Variants in NOD1 observed in about 807,000 individuals in gnomAD.
NOD1 encodes the protein nucleotide binding oligomerization domain containing 1, also known as nucleotide-binding oligomerization domain-containing protein 1.
NOD1 carries 70 observed loss-of-function variants against 81.2 expected under a neutral mutation model. That is an observed-to-expected ratio of 0.86 (90% CI 0.71 to 1.05). NOD1 has a LOEUF of 1.05. Among genes scored for constraint, NOD1 ranks in the 50% least tolerant of loss-of-function variants. NOD1 has a pLI of 0.00. For synonymous variants in NOD1, 508 were observed against 526.9 expected, an observed-to-expected ratio of 0.96 and a Z score of 0.49; for missense variants, 1,233 against 1,228.0, an observed-to-expected ratio of 1.00 and a Z score of -0.06.
intron 1 of NOD1, among the ~76,000 whole-genome samples, chr7:30,465,115 C>T (rs1031995349): frequency 8.5e-5 from 13 of 152,130 alleles, no homozygotes; most frequent in Non-Finnish European, 1.5e-4. Context: ...AGGGGGGTGC[C>T]GTGGCTCTCA....
chr7:30,458,890 C>G (rs1222702539), intron 3 of NOD1, among the ~76,000 whole-genome samples: 1 of 152,098 alleles, frequency 6.6e-6, no homozygotes, highest in East Asian at 1.9e-4. Context: ...GCGGGTGCCA[C>G]CATGCCCAGC....
chr7:30,435,764 GCCTGGGTAACATAGCAAAAC>G (rs1343238424), intron 11 of NOD1, among the ~76,000 whole-genome samples: 2 of 152,080 alleles, frequency 1.3e-5, no homozygotes, highest in Non-Finnish European at 2.9e-5. Flanking sequence ...TTCAAGACCA[GCCTGGGTAACATAGCAAAAC>G]CCCATCTCTA....
chr7:30,427,435 G>A (rs980069414), intron 13 of NOD1, among the ~76,000 whole-genome samples: 1 of 152,168 alleles, frequency 6.6e-6, no homozygotes, highest in African/African-American at 2.4e-5. Flanking sequence ...CCTGAACGTG[G>A]CTCCCCGGCC....
At chr7:30,466,751 A>G (rs1304600349) in intron 1 of NOD1, among the ~76,000 whole-genome samples, 1 of 152,200 alleles carries the variant, frequency 6.6e-6, no homozygotes, top group Non-Finnish European at 1.5e-5. Flanking sequence ...AGTCACTACA[A>G]CCTTTTTCAG....
Position 30,452,481 on chromosome 7 carries a change from G to C in NOD1, c.936C>G (p.Val312=). The C allele has an allele frequency of 6.2e-7, 1 of 1,613,310 alleles. No individual in the cohort carries two copies. Among genetic ancestry groups the C allele is most frequent in the African/African-American group, 1.3e-5 (1 of 75,078 alleles). Residue 312 remains valine, a synonymous_variant, in exon 6 of 14, where the codon GTC becomes GTG. Coordinates refer to ENST00000222823, the MANE Select transcript of NOD1 (RefSeq NM_006092.4). Reference sequence around the variant, plus strand: ...TCCCACTGAGCAGGTTGGCCAGCAAGACCAGGGGGTGGGCAGGCTCCCAGG... The same window carrying C: ...TCCCACTGAGCAGGTTGGCCAGCAACACCAGGGGGTGGGCAGGCTCCCAGG... ...SCPWEPAHPL[V]LLANLLSGKL...
rs1035720545 is a variant in NOD1 at position 30,429,290 on chromosome 7, C to T, written c.2789+84G>A. On this transcript the variant is annotated intron_variant, in intron 13 of 13. Coordinates refer to ENST00000222823, the MANE Select transcript of NOD1 (RefSeq NM_006092.4). ...GGTTGCTGGAGGAATAAACAGAAAC[C>T]ACCCTGCGTTGTGCCTTGCACAGTC... The T allele has an allele frequency of 5.9e-6, 7 of 1,190,942 alleles. No homozygotes were observed. In the African/African-American group the frequency reaches 9.0e-5, roughly 15 times the overall value. The allele number at this position is 1,190,942 out of a possible 1,614,324, so 73.8% of individuals were successfully genotyped here. A position where few individuals can be genotyped will look rare whatever the true frequency, so the allele number is the denominator to read the frequency against.
chr7:30,457,573 A>G (rs1786515046), intron 3 of NOD1, among the ~76,000 whole-genome samples: 1 of 152,198 alleles, frequency 6.6e-6, no homozygotes, highest in East Asian at 1.9e-4. Flanking sequence ...TTTTTAAATC[A>G]AAACATCTTT....
chr7:30,446,748 A>G, intron 8 of NOD1: 1 of 542,370 alleles, frequency 1.8e-6, no homozygotes, highest in Non-Finnish European at 3.3e-6. Context: ...GTAGTTAATG[A>G]AATCAAAATG....
chr7:30,457,349 G>A (rs929789073), intron 3 of NOD1, among the ~76,000 whole-genome samples: 3 of 152,098 alleles, frequency 2.0e-5, no homozygotes, highest in Non-Finnish European at 4.4e-5. Context: ...TATTGGGGAG[G>A]CTAAGGCAGG....
intron 9 of NOD1, among the ~76,000 whole-genome samples, chr7:30,438,547 G>A (rs190967263): frequency 6.6e-6 from 1 of 152,302 alleles, no homozygotes; most frequent in Admixed American, 6.5e-5. Context: ...GAACAAGTTC[G>A]TGTGGCCCAC....
At chr7:30,438,512 C>T (rs565184498) in intron 9 of NOD1, among the ~76,000 whole-genome samples, 1 of 152,328 alleles carries the variant, frequency 6.6e-6, no homozygotes, top group South Asian at 2.1e-4. Context: ...CTAATAGGAT[C>T]AGCACACACT....
At chr7:30,436,873 G>C (rs766886845) in intron 10 of NOD1, among the ~76,000 whole-genome samples, 5 of 152,022 alleles carry the variant, frequency 3.3e-5, no homozygotes, top group Admixed American at 6.6e-5. Context: ...CCCATTACTG[G>C]GTATTTACCC....
In NOD1 at chr7:30,456,894, C is replaced by T. The variant is rs1000744101; in HGVS notation, c.28G>A (p.Glu10Lys). 1.9e-6 allele frequency: 3 copies of T among 1,614,060 alleles called. No individual in the cohort carries two copies. The highest frequency in any genetic ancestry group is 1.7e-6 in the Non-Finnish European group (2 of 1,180,030). The change falls in exon 4 of 14, where the codon GAA becomes AAA. Residue 10 changes from glutamate to lysine, a missense_variant. By Grantham distance (56) the Glu-to-Lys change is moderately conservative (BLOSUM62 1). Coordinates refer to ENST00000222823, the MANE Select transcript of NOD1 (RefSeq NM_006092.4). MEEQGHSEMEIIPSESHPHI... is the reference protein window; with the variant it reads MEEQGHSEMKIIPSESHPHI... ...GGGTGAGACTCTGATGGGATTATTT[C>T]CATCTCACTGTGGCCCTGCTCTTCC... is the stretch of plus-strand genomic sequence containing the variant.
In NOD1 at chr7:30,452,296, A is replaced by C; in HGVS notation, c.1121T>G (p.Leu374Arg). 6.2e-7 allele frequency: 1 copy of C among 1,613,376 alleles called. No homozygotes were observed. The highest frequency in any genetic ancestry group is 8.5e-7 in the Non-Finnish European group (1 of 1,179,848). ...MFPERALQDRLLSQLEANPNL... is the reference protein window; with the variant it reads ...MFPERALQDRRLSQLEANPNL... Reference sequence around the variant, plus strand: ...GGGGTTGGCCTCCAGCTGGCTCAGCAGGCGGTCCTGCAGGGCCCGCTCGGG... The same window carrying C: ...GGGGTTGGCCTCCAGCTGGCTCAGCCGGCGGTCCTGCAGGGCCCGCTCGGG... The change falls in exon 6 of 14, where the codon CTG (leucine) becomes CGG (arginine). Residue 374 changes from leucine to arginine, a missense_variant. By Grantham distance (102) the Leu-to-Arg change is moderately radical. Coordinates refer to ENST00000222823, the MANE Select transcript of NOD1 (RefSeq NM_006092.4).
rs770057001 is a variant in NOD1 at position 30,433,161 on chromosome 7, G to A, written c.2640C>T (p.Leu880=). Residue 880 remains leucine, a synonymous_variant, in exon 12 of 14, where the codon CTC becomes CTT. Coordinates refer to ENST00000222823, the MANE Select transcript of NOD1 (RefSeq NM_006092.4). ...CCAAACTCTCTGCCACTTCATCGTT[G>A]AGTTCATTTTGGGTCAGCCTAAGGA... ...LEILWLTQNE[L]NDEVAESLAE... 9 of 1,613,758 alleles carry A rather than the reference G, an allele frequency of 5.6e-6. No homozygotes were observed. The highest frequency in any genetic ancestry group is 7.6e-6 in the Non-Finnish European group (9 of 1,179,806).
At position 30,437,606 on chromosome 7, in the gene NOD1, G is replaced by C. The variant is rs762472087; in HGVS notation, c.2504C>G (p.Ala835Gly). The change falls in exon 10 of 14, where the codon GCT becomes GGT. Residue 835 changes from alanine to glycine, a missense_variant. Coordinates refer to ENST00000222823, the MANE Select transcript of NOD1 (RefSeq NM_006092.4). Reference protein sequence around the residue: ...GDEGAKAFAEALRNHPSLTTL... With the variant: ...GDEGAKAFAEGLRNHPSLTTL... The stretch of plus-strand genomic sequence containing the variant: ...GGTCAAGCTGGGGTGGTTCCGCAGA[G>C]CCTCTGCGAAGGCTTTTGCTCCTTC... 1 of 1,511,062 alleles carries C rather than the reference G, an allele frequency of 6.6e-7. No homozygotes were observed. Among genetic ancestry groups the C allele is most frequent in the South Asian group, 1.4e-5 (1 of 73,928 alleles). 93.6% of individuals were successfully genotyped at this position (1,511,062 alleles called of 1,614,324 possible).
At chr7:30,472,413 C>T (rs1788367805) in intron 1 of NOD1, among the ~76,000 whole-genome samples, 1 of 152,226 alleles carries the variant, frequency 6.6e-6, no homozygotes, top group African/African-American at 2.4e-5. Flanking sequence ...CCTTGAGAGG[C>T]GTCCCCAGAC....
Position 30,452,077 on chromosome 7 carries a change from C to A in NOD1, c.1340G>T (p.Arg447Leu), listed in dbSNP as rs2975634. Residue 447 changes from arginine to leucine, a missense_variant, in exon 6 of 14, where the codon CGC (arginine) becomes CTC (leucine). By Grantham distance (102) the Arg-to-Leu change is moderately radical. Coordinates refer to ENST00000222823, the MANE Select transcript of NOD1 (RefSeq NM_006092.4). ...GGCGTGGAGGGTCTCCACTGGGCTG[C>A]GTGTGTTCCGCTGCACCAGGCTGCT... ...QPSSLVQRNT[R>L]SPVETLHAGR... The A allele has an allele frequency of 1.9e-6, 3 of 1,613,542 alleles. No individual in the cohort carries two copies. The highest frequency in any genetic ancestry group is 2.5e-6 in the Non-Finnish European group (3 of 1,180,006).
At chr7:30,477,477 G>C (rs542931682) in intron 1 of NOD1, among the ~76,000 whole-genome samples, 3 of 152,246 alleles carry the variant, frequency 2.0e-5, no homozygotes, top group African/African-American at 7.2e-5. Flanking sequence ...CGACCCTTTG[G>C]CAAGCACGAC....
Sources: gnomAD v4.1 joint callset for allele counts (sites outside exome capture counted in the v4.1 genomes callset) on GRCh38, gnomAD v4.1.1 for gene constraint, MANE v1.5 for transcripts, NCBI Gene and HGNC (gene_info 2026-07-23, HGNC 2026-07-21) for gene names.